NDUFAF7: variants seen among roughly 807,000 people sequenced by gnomAD.
NDUFAF7 encodes NADH:ubiquinone oxidoreductase complex assembly factor 7, also known as protein arginine methyltransferase NDUFAF7, mitochondrial.
A neutral mutation model predicts 47.2 loss-of-function variants in NDUFAF7; 48 were observed. The ratio of observed to expected loss-of-function variants is 1.02; its 90% confidence interval spans 0.81 to 1.29. NDUFAF7 has a LOEUF of 1.29. Ranked by LOEUF, NDUFAF7 falls within the 50% of genes most tolerant of loss-of-function variation. The probability of loss-of-function intolerance (pLI) is 0.00; values close to 1 mark genes in which losing one functional copy is unlikely to be tolerated. For synonymous variants in NDUFAF7, 217 were observed against 190.0 expected (o/e 1.14, Z -1.17); for missense variants, 635 against 537.6 (o/e 1.18, Z -1.79).
chr2:37,235,973 G>A (rs910676677), intron 2 of NDUFAF7, 123 bp from the exon 3 acceptor site: 1 of 862,462 alleles, frequency 1.2e-6, no homozygotes, highest in Non-Finnish European at 1.9e-6. Context: ...TGCTTATTTA[G>A]AGGAGAGAAC....
At chr2:37,242,473 A>C in intron 5 of NDUFAF7, 162 bp from the exon 6 acceptor site, 1 of 577,896 alleles carries the variant, frequency 1.7e-6, no homozygotes, top group African/African-American at 1.9e-5. Flanking sequence ...GAATAGTAAT[A>C]ATTGTTCTAT....
At chr2:37,268,793 C>G in the NDUFAF7 span, 1 of 154,552 alleles carries the variant, frequency 6.5e-6, no homozygotes, top group East Asian at 1.9e-4. Flanking sequence ...GCAATTAGAT[C>G]TGAGGCTAGA....
downstream of NDUFAF7, among the ~76,000 whole-genome samples, chr2:37,257,254 G>C (rs1231763695): frequency 6.6e-6 from 1 of 152,064 alleles, no homozygotes; most frequent in Non-Finnish European, 1.5e-5. Context: ...TCTATCATTT[G>C]TCTTGTAAGA....
downstream of NDUFAF7, chr2:37,254,086 A>T: frequency 1.4e-6 from 1 of 719,296 alleles, no homozygotes; most frequent in Non-Finnish European, 2.4e-6. Flanking sequence ...AGTACAAATT[A>T]ATCACTTAAG....
downstream of NDUFAF7, chr2:37,250,877 A>T (rs1276988735): frequency 6.6e-6 from 1 of 152,624 alleles, no homozygotes; most frequent in Non-Finnish European, 1.5e-5. Context: ...TAAAGACAAA[A>T]AGTTATGCAG....
chr2:37,237,216 C>T (rs541914113), intron 3 of NDUFAF7, among the ~76,000 whole-genome samples: 3 of 152,120 alleles, frequency 2.0e-5, no homozygotes, highest in Admixed American at 6.5e-5. Context: ...GTGGTCCACC[C>T]GCCTCAGCCT....
downstream of NDUFAF7, chr2:37,252,774 C>G (rs181949453): frequency 6.7e-6 from 1 of 150,346 alleles, no homozygotes; most frequent in African/African-American, 2.4e-5. Context: ...TATAATTTAG[C>G]CAAGCTATAT....
chr2:37,232,767 T>C (rs951371770), intron 2 of NDUFAF7, among the ~76,000 whole-genome samples: 6 of 152,324 alleles, frequency 3.9e-5, no homozygotes, highest in Non-Finnish European at 8.8e-5. Context: ...ACATGTGCAG[T>C]TGAGAATGCA....
chr2:37,248,594 G>GTAT lies in NDUFAF7; in HGVS notation c.*245_*246insATT. 1.9e-6 allele frequency: 1 copy of GTAT among 512,998 alleles called. No homozygotes were observed. The highest frequency in any genetic ancestry group is 3.5e-6 in the Non-Finnish European group (1 of 284,782). The allele number at this position is 512,998 out of a possible 1,614,324, so 31.8% of individuals were successfully genotyped here. ...GAGTTTCCTTTAACTTACAAAGCTA[G>GTAT]TTGCCATATTTCTATTTTATTTTAA... On this transcript the variant is annotated 3_prime_UTR_variant, in exon 10 of 10. Coordinates refer to ENST00000002125, the MANE Select transcript of NDUFAF7 (RefSeq NM_144736.5).
At chr2:37,255,631 C>T (rs575057317), downstream of NDUFAF7, among the ~76,000 whole-genome samples, 2 of 152,164 alleles carry the variant, frequency 1.3e-5, no homozygotes, top group Admixed American at 6.5e-5. Flanking sequence ...TATAAGGAAC[C>T]GGAGCTAGGT....
chr2:37,261,962 TA>T, the NDUFAF7 span, among the ~76,000 whole-genome samples: 11 of 152,330 alleles, frequency 7.2e-5, no homozygotes, highest in African/African-American at 2.6e-4. Flanking sequence ...CACATTAGTG[TA>T]AAATGGTCTT....
downstream of NDUFAF7, chr2:37,256,632 T>A (rs771744948): frequency 0.026 from 2,992 of 113,636 alleles, 24 homozygotes; most frequent in African/African-American, 0.072. Context: ...GCCAAAATTT[T>A]TTTTTTTTTT....
chr2:37,269,308 C>G, the NDUFAF7 span: 1 of 329,154 alleles, frequency 3.0e-6, no homozygotes, highest in Non-Finnish European at 5.9e-6. Flanking sequence ...TAAGCCCACT[C>G]AGCCCAACAT....
intron 8 of NDUFAF7, 107 bp from the exon 9 acceptor site, chr2:37,247,349 C>T (rs144485961): frequency 1.5e-6 from 2 of 1,333,056 alleles, no homozygotes; most frequent in African/African-American, 2.9e-5. Context: ...GAGCTCTATT[C>T]CGTCACCTCA....
intron 7 of NDUFAF7, 91 bp downstream of exon 7, chr2:37,244,064 C>A (rs933224523): frequency 8.8e-7 from 1 of 1,137,968 alleles, no homozygotes; most frequent in African/African-American, 1.6e-5. Context: ...TTTAGAGTTC[C>A]TTTACAGGAA....
chr2:37,243,663 C>T (rs1411389080), intron 6 of NDUFAF7, among the ~76,000 whole-genome samples, 200 bp from the exon 7 acceptor site: 1 of 152,086 alleles, frequency 6.6e-6, no homozygotes, highest in African/African-American at 2.4e-5. Flanking sequence ...ACAGCGTCAT[C>T]TCTGTTATTG....
At position 37,241,768 on chromosome 2, in the gene NDUFAF7, G is replaced by A. The variant is rs1278567799; in HGVS notation, c.599G>A (p.Arg200Gln). Residue 200 changes from arginine to glutamine, a missense_variant, in exon 5 of 10, where the codon CGA becomes CAA. By Grantham distance (43) the Arg-to-Gln change is conservative (BLOSUM62 1). Coordinates refer to ENST00000002125, the MANE Select transcript of NDUFAF7 (RefSeq NM_144736.5). ...TCTGGGATTCCAATTTCCTGGTACC[G>A]AGATCTGCACGATGTTCCAAAAGGT... ...TKSGIPISWY[R>Q]DLHDVPKGYS... is the part of the protein sequence containing the mutation. 3.7e-6 allele frequency: 6 copies of A among 1,613,594 alleles called. No homozygotes were observed. The South Asian group carries it at 4.4e-5, about 12-fold the overall frequency.
At chr2:37,260,531 A>G in the NDUFAF7 span, 1 of 775,604 alleles carries the variant, frequency 1.3e-6, no homozygotes, top group Non-Finnish European at 2.1e-6. Context: ...ACAATCAATG[A>G]AAAGGATCTT....
chr2:37,260,159 T>A, the NDUFAF7 span: 1 of 1,419,522 alleles, frequency 7.0e-7, no homozygotes, highest in Non-Finnish European at 9.7e-7. Flanking sequence ...GTAAGACTCT[T>A]GTCTTAAAAA....
Sources: gnomAD v4.1 joint callset for allele counts (sites outside exome capture counted in the v4.1 genomes callset) on GRCh38, gnomAD v4.1.1 for gene constraint, MANE v1.5 for transcripts, NCBI Gene and HGNC (gene_info 2026-07-23, HGNC 2026-07-21) for gene names.